Variants in PLEKHG1 observed in about 807,000 individuals in gnomAD.
PLEKHG1 encodes the protein pleckstrin homology and RhoGEF domain containing G1.
In PLEKHG1, 44 loss-of-function variants were observed where a neutral mutation model predicts 100.8. The observed-to-expected ratio is 0.44, with a 90% CI of 0.34 to 0.56. PLEKHG1 has a LOEUF of 0.56. Ranked by LOEUF, PLEKHG1 falls within the 20% of genes least tolerant of loss-of-function variation. PLEKHG1 has a pLI of 0.01. For missense variants in PLEKHG1, 1,545 were observed against 1,720.9 expected, an observed-to-expected ratio of 0.90 and a Z score of 1.81; for synonymous variants, 640 against 662.5, an observed-to-expected ratio of 0.97 and a Z score of 0.52.
At chr6:150,668,970 AT>A (rs1779493957) in intron 3 of PLEKHG1, among the ~76,000 whole-genome samples, 1 of 152,174 alleles carries the variant, frequency 6.6e-6, no homozygotes, top group African/African-American at 2.4e-5. Context: ...TTTGCATTTT[AT>A]TGCAGTGATG....
chr6:150,831,896 A>G lies in PLEKHG1; in HGVS notation c.2785A>G (p.Met929Val), dbSNP rs1776959176. ...CCTGATTTCTAAAGAAGGCTCCTTT[A>G]TGAGCCTTAACCGGCTTTCTCTGGC... The change falls in exon 15 of 16, where the codon ATG (methionine) becomes GTG (valine). Residue 929 changes from methionine to valine, a missense_variant. By Grantham distance (21) the Met-to-Val change is conservative. Transcript: ENST00000358517. This position sits in a 1 kb window ranked among gnomAD's most constrained non-coding sequence, Gnocchi z 4.1. 1 of 1,613,986 alleles carries G rather than the reference A, an allele frequency of 6.2e-7. No homozygotes were observed. The highest frequency in any genetic ancestry group is 1.7e-5 in the Admixed American group (1 of 60,008).
At chr6:150,774,428 G>T (rs1337025613) in intron 3 of PLEKHG1, among the ~76,000 whole-genome samples, 1 of 151,304 alleles carries the variant, frequency 6.6e-6, no homozygotes, top group Admixed American at 6.6e-5. Flanking sequence ...TTCATAATGT[G>T]GTAAATATTA....
intron 3 of PLEKHG1, among the ~76,000 whole-genome samples, chr6:150,694,426 A>G (rs9480534): frequency 0.072 from 10,915 of 152,014 alleles, 460 homozygotes; most frequent in South Asian, 0.17. Flanking sequence ...CTGGCTGGGC[A>G]CGGCGGCTCA....
At chr6:150,604,823 T>A (rs908402508) in intron 1 of PLEKHG1, among the ~76,000 whole-genome samples, 4 of 152,218 alleles carry the variant, frequency 2.6e-5, no homozygotes, top group Non-Finnish European at 5.9e-5. Flanking sequence ...TGGACTGGAT[T>A]GGGATAAAGT....
intron 8 of PLEKHG1, 39 bp from the exon 10 acceptor site, chr6:150,809,342 C>A: frequency 6.2e-7 from 1 of 1,610,176 alleles, no homozygotes; most frequent in Non-Finnish European, 8.5e-7. Context: ...TCTGTTCCCT[C>A]CTGAGTGTGC....
chr6:150,735,641 T>G (rs1782525025), intron 2 of PLEKHG1, among the ~76,000 whole-genome samples: 1 of 152,222 alleles, frequency 6.6e-6, no homozygotes, highest in Non-Finnish European at 1.5e-5. Context: ...TTTAAAAAGT[T>G]CAACAATGAT....
At chr6:150,829,270 T>C (rs745554196) in intron 14 of PLEKHG1, among the ~76,000 whole-genome samples, 1 of 152,186 alleles carries the variant, frequency 6.6e-6, no homozygotes, top group Non-Finnish European at 1.5e-5. Flanking sequence ...CTGAGCTCCA[T>C]CCAGAAGGGT....
In PLEKHG1 at chr6:150,821,189, TC is replaced by T. The variant is rs146985326; in HGVS notation, c.1409-3del. 6,694 of 1,612,462 alleles carry T rather than the reference TC, an allele frequency of 4.2e-3. 223 individuals are homozygous for T. In the African/African-American group the frequency reaches 0.076, roughly 18 times the overall value. On this transcript the variant is annotated splice_region_variant and splice_polypyrimidine_tract_variant and intron_variant, in intron 12 of 15. Coordinates refer to ENST00000358517, the Ensembl canonical transcript of PLEKHG1. Reference sequence around the variant, plus strand: ...CCAATGATGCTGGCTTTGTTTTGTCTCCCAGAACCTTCCTCACGGTCACATA... The same window carrying T: ...CCAATGATGCTGGCTTTGTTTTGTCTCCAGAACCTTCCTCACGGTCACATA...
At chr6:150,805,524 C>T (rs560788187) in intron 7 of PLEKHG1, among the ~76,000 whole-genome samples, 30 of 150,864 alleles carry the variant, frequency 2.0e-4, no homozygotes, top group African/African-American at 6.8e-4. Context: ...CATGTCATTT[C>T]GGTTTCCTTT....
At chr6:150,793,772 A>G (rs959035197) in intron 4 of PLEKHG1, among the ~76,000 whole-genome samples, 1 of 152,294 alleles carries the variant, frequency 6.6e-6, no homozygotes, top group African/African-American at 2.4e-5. Context: ...GTACGAGTAT[A>G]ATGGACAGGG....
intron 1 of PLEKHG1, among the ~76,000 whole-genome samples, chr6:150,722,349 C>CTTTTTTTTTTTTTTTTTTTTTTT (rs139069069): frequency 1.5e-4 from 14 of 90,678 alleles, no homozygotes; most frequent in South Asian, 3.6e-4. Flanking sequence ...TTTTTCTTTT[C>CTTTTTTTTTTTTTTTTTTTTTTT]TTTTTTTTTT....
intron 3 of PLEKHG1, among the ~76,000 whole-genome samples, chr6:150,671,076 A>G (rs1198029329): frequency 7.2e-6 from 1 of 139,420 alleles, no homozygotes; most frequent in African/African-American, 2.9e-5. Flanking sequence ...TTATGGTTAC[A>G]TAGTATTCCA....
intron 2 of PLEKHG1, among the ~76,000 whole-genome samples, chr6:150,734,825 G>A (rs1382696824): frequency 6.6e-6 from 1 of 151,992 alleles, no homozygotes; most frequent in Admixed American, 6.6e-5. Flanking sequence ...TGTGAATTGA[G>A]CTCAGCTTAT....
At chr6:150,615,593 C>T (rs777843402) in intron 1 of PLEKHG1, among the ~76,000 whole-genome samples, 42 of 152,296 alleles carry the variant, frequency 2.8e-4, no homozygotes, top group Non-Finnish European at 4.6e-4. Flanking sequence ...ACAGAAAATA[C>T]TATACAGATA....
chr6:150,749,447 G>T (rs1200551582), intron 2 of PLEKHG1, among the ~76,000 whole-genome samples: 2 of 152,132 alleles, frequency 1.3e-5, no homozygotes, highest in Non-Finnish European at 2.9e-5. Flanking sequence ...TCACTTCCTT[G>T]GTAATGTTTT....
exon 7 of PLEKHG1, chr6:150,804,723 G>A (rs1028776060): frequency 1.9e-6 from 3 of 1,613,680 alleles, no homozygotes; most frequent in Non-Finnish European, 2.5e-6. Flanking sequence ...GGAAACACGA[G>A]CACGCGGTCC....
At chr6:150,671,533 C>T (rs1779581497) in intron 3 of PLEKHG1, among the ~76,000 whole-genome samples, 1 of 152,192 alleles carries the variant, frequency 6.6e-6, no homozygotes, top group Non-Finnish European at 1.5e-5. Flanking sequence ...TCTGAGCCAA[C>T]ATTTATGGAA....
intron 1 of PLEKHG1, among the ~76,000 whole-genome samples, chr6:150,637,882 T>A (rs1263028726): frequency 1.3e-5 from 2 of 152,238 alleles, no homozygotes; most frequent in Non-Finnish European, 2.9e-5. Context: ...ATTTTAGGCC[T>A]CTTGAAAGCG....
intron 3 of PLEKHG1, among the ~76,000 whole-genome samples, chr6:150,668,562 A>G (rs17080069): frequency 0.088 from 13,382 of 152,220 alleles, 665 homozygotes; most frequent in South Asian, 0.16. Context: ...CTGTCGAAAC[A>G]TAGTGGTTGC....
Sources: allele counts gnomAD v4.1 joint callset (sites outside exome capture counted in the v4.1 genomes callset), GRCh38; gene constraint gnomAD v4.1.1; non-coding constraint Gnocchi (gnomAD v3.1); transcripts MANE v1.5; gene names NCBI Gene and HGNC (gene_info 2026-07-23, HGNC 2026-07-21).